PCDHGB1: variants seen among roughly 807,000 people sequenced by gnomAD.
PCDHGB1 encodes the protein protocadherin gamma subfamily B, 1.
Under a neutral mutation model 56.6 loss-of-function variants are expected in PCDHGB1, and 34 were observed. The observed-to-expected ratio is 0.60, with a 90% confidence interval of 0.46 to 0.80. PCDHGB1 has a LOEUF of 0.80. Ranked by LOEUF, PCDHGB1 falls within the 30% of genes least tolerant of loss-of-function variation. PCDHGB1 has a pLI of 0.00. For synonymous variants in PCDHGB1, 561 were observed against 505.9 expected, an observed-to-expected ratio of 1.11 and a Z score of -1.46; for missense variants, 1,278 against 1,204.6, an observed-to-expected ratio of 1.06 and a Z score of -0.90.
chr5:141,476,747 C>A lies in PCDHGB1; in HGVS notation c.2410-18060C>A. 1 of 1,614,066 alleles carries A rather than the reference C, an allele frequency of 6.2e-7. No homozygotes were observed. The highest frequency in any genetic ancestry group is 1.3e-5 in the African/African-American group (1 of 75,074). On this transcript the variant is annotated intron_variant, in intron 1 of 3. Transcript: ENST00000523390. The surrounding 1 kb of genome is among the most constrained non-coding windows in gnomAD (Gnocchi z 7.6). ...GGACCGAGAACGGGAGCCTAGTCTCCAGTTAGTGCTGACGGCGTTGGACGG... is the reference window on the plus strand; with the variant it reads ...GGACCGAGAACGGGAGCCTAGTCTCAAGTTAGTGCTGACGGCGTTGGACGG...
intron 1 of PCDHGB1, chr5:141,364,402 C>A: frequency 6.2e-7 from 1 of 1,607,318 alleles, no homozygotes; most frequent in Non-Finnish European, 8.5e-7. Flanking sequence ...GGACGCTGTG[C>A]GAGCCAGGAT....
At chr5:141,410,084 A>G in intron 1 of PCDHGB1, 3 of 1,612,532 alleles carry the variant, frequency 1.9e-6, no homozygotes, top group Non-Finnish European at 2.5e-6. Context: ...GGAGGTGCGC[A>G]CGGCTCGAGC....
chr5:141,351,753 T>C lies in PCDHGB1; in HGVS notation c.1493T>C (p.Leu498Ser), dbSNP rs1489735945. The C allele has an allele frequency of 6.2e-7, 1 of 1,613,482 alleles. No homozygotes were observed. ...AGTGACCTGGAGCCGCGGGAGCTGTTGTCCTACGTGTCCGTGAGCCCGCAG... is the reference window on the plus strand; with the variant it reads ...AGTGACCTGGAGCCGCGGGAGCTGTCGTCCTACGTGTCCGTGAGCCCGCAG... ...LASDLEPREL[L>S]SYVSVSPQSG... Residue 498 changes from leucine to serine, a missense_variant, in exon 1 of 4, where the codon TTG becomes TCG. Coordinates refer to ENST00000523390, the MANE Select transcript of PCDHGB1 (RefSeq NM_018922.3).
At position 141,352,309 on chromosome 5, in the gene PCDHGB1, A is replaced by G. The variant is rs1363928868; in HGVS notation, c.2049A>G (p.Glu683=). The change falls in exon 1 of 4, where the codon GAA becomes GAG. Residue 683 remains glutamate (E), a synonymous_variant. Transcript: ENST00000523390. Reference sequence around the variant, plus strand: ...CTGAGCCCTCTGACCCCCAGACGGAACTGCAGTTTTACCTGGTTGTGGCCT... The same window carrying G: ...CTGAGCCCTCTGACCCCCAGACGGAGCTGCAGTTTTACCTGGTTGTGGCCT... ...DRPEPSDPQT[E]LQFYLVVALA... 6.2e-7 allele frequency: 1 copy of G among 1,613,958 alleles called. No individual in the cohort carries two copies. Among genetic ancestry groups the G allele is most frequent in the East Asian group, 2.2e-5 (1 of 44,864 alleles).
chr5:141,474,260 A>G (rs1459875243), intron 1 of PCDHGB1, among the ~76,000 whole-genome samples: 1 of 152,170 alleles, frequency 6.6e-6, no homozygotes, highest in Non-Finnish European at 1.5e-5. Flanking sequence ...AGACTGATAA[A>G]CCAGTGTATC....
At chr5:141,414,481 C>T (rs1011579090) in intron 1 of PCDHGB1, 2 of 1,613,948 alleles carry the variant, frequency 1.2e-6, no homozygotes, top group Non-Finnish European at 1.7e-6. Context: ...AAGTCCTCCT[C>T]TATCAACGGA....
At chr5:141,456,873 G>A (rs2098894054) in intron 1 of PCDHGB1, among the ~76,000 whole-genome samples, 1 of 152,152 alleles carries the variant, frequency 6.6e-6, no homozygotes, top group Non-Finnish European at 1.5e-5. Context: ...TGAGGCAGGA[G>A]AATCGCTTGA....
chr5:141,384,601 C>G lies in PCDHGB1; in HGVS notation c.2409+31932C>G, dbSNP rs1780261198. On this transcript the variant is annotated intron_variant, in intron 1 of 3. Coordinates refer to ENST00000523390, the MANE Select transcript of PCDHGB1 (RefSeq NM_018922.3). The stretch of plus-strand genomic sequence containing the variant: ...GCCCGAGATCCTGTACCCGGCCCTC[C>G]CCACAGATGGTTCTACTGGCATGGA... The G allele has an allele frequency of 2.5e-6, 4 of 1,614,240 alleles. No homozygotes were observed. The East Asian group carries it at 8.9e-5, about 36-fold the overall frequency.
At position 141,490,006 on chromosome 5, in the gene PCDHGB1, C is replaced by T; in HGVS notation, c.2410-4801C>T. The stretch of plus-strand genomic sequence containing the variant: ...ACGTGTGGGAATCCCAGAGAATGCA[C>T]CCATTGGTACTCTGCTGCTCCGCCT... On this transcript the variant is annotated intron_variant, in intron 1 of 3. Coordinates refer to ENST00000523390, the MANE Select transcript of PCDHGB1 (RefSeq NM_018922.3). This position sits in a 1 kb window ranked among gnomAD's most constrained non-coding sequence, Gnocchi z 5.4. 2 of 1,614,222 alleles carry T rather than the reference C, an allele frequency of 1.2e-6. No homozygotes were observed. The highest frequency in any genetic ancestry group is 1.7e-6 in the Non-Finnish European group (2 of 1,180,010).
At chr5:141,422,463 C>T in intron 1 of PCDHGB1, 1 of 1,613,472 alleles carries the variant, frequency 6.2e-7, no homozygotes, top group African/African-American at 1.3e-5. Context: ...GAGTGCTGGA[C>T]AGGGAGTTGG....
intron 1 of PCDHGB1, chr5:141,478,523 G>A: frequency 1.2e-6 from 2 of 1,609,908 alleles, no homozygotes; most frequent in Non-Finnish European, 1.7e-6. Flanking sequence ...GGTGTTGGGT[G>A]CAGAGAGCGC....
At chr5:141,407,875 A>G (rs957717882) in intron 1 of PCDHGB1, 8 of 361,396 alleles carry the variant, frequency 2.2e-5, no homozygotes, top group African/African-American at 8.4e-5. Context: ...AAGAATATAT[A>G]CATTTCGGAG....
At chr5:141,377,447 A>AG (rs1773997095) in intron 1 of PCDHGB1, 1 of 152,082 alleles carries the variant, frequency 6.6e-6, no homozygotes, top group African/African-American at 2.4e-5. Context: ...AAGAAAAAAA[A>AG]GTAGCCAGAT....
chr5:141,372,804 CA>C lies in PCDHGB1; in HGVS notation c.2409+20139del. The C allele has an allele frequency of 2.5e-6, 4 of 1,592,244 alleles. No homozygotes were observed. In the Middle Eastern group the frequency reaches 6.7e-4, roughly 266 times the overall value. On this transcript the variant is annotated intron_variant, in intron 1 of 3. Coordinates refer to ENST00000523390, the MANE Select transcript of PCDHGB1 (RefSeq NM_018922.3). ...AATGCCTTCTAATTCAGGCAATTTG[CA>C]AAAGGTGAGTTTCTTCAAACCTTTC...
rs146243220 is a variant in PCDHGB1 at position 141,351,894 on chromosome 5, G to C, written c.1634G>C (p.Arg545Pro). 8.0e-4 allele frequency: 1,286 copies of C among 1,613,426 alleles called. 8 individuals are homozygous for C. In the South Asian group the frequency reaches 8.1e-3, roughly 10 times the overall value. ...SPALSANVSL[R>P]VLVGDLNDNA... ...GCGCTCAGCGCCAACGTGAGCCTGCGCGTGTTGGTGGGCGACCTCAATGAC... is the reference window on the plus strand; with the variant it reads ...GCGCTCAGCGCCAACGTGAGCCTGCCCGTGTTGGTGGGCGACCTCAATGAC... The change falls in exon 1 of 4, where the codon CGC (arginine) becomes CCC (proline). Residue 545 changes from arginine (R) to proline (P), a missense_variant. Transcript: ENST00000523390.
At chr5:141,367,861 G>A (rs1344780297) in intron 1 of PCDHGB1, 1 of 152,032 alleles carries the variant, frequency 6.6e-6, no homozygotes, top group Non-Finnish European at 1.5e-5. Context: ...GTTTCTTTAA[G>A]TGTAGGTGCA....
rs1057107770 is a variant in PCDHGB1 at position 141,387,795 on chromosome 5, T to C, written c.2409+35126T>C. 28 of 1,499,168 alleles carry C rather than the reference T, an allele frequency of 1.9e-5. No homozygotes were observed. In the African/African-American group the frequency reaches 2.5e-4, roughly 13 times the overall value. The allele number at this position is 1,499,168 out of a possible 1,614,324, so 92.9% of individuals were successfully genotyped here. A position where few individuals can be genotyped will look rare whatever the true frequency, so the allele number is the denominator to read the frequency against. On this transcript the variant is annotated intron_variant, in intron 1 of 3. Transcript: ENST00000523390. ...TCTTGAACTGGAACTGCAACTAAAG[T>C]CCGTTCGGAGATCCAAAAATCTGCA... is the stretch of plus-strand genomic sequence containing the variant.
In PCDHGB1 at chr5:141,477,533, G is replaced by C. The variant is rs780541121; in HGVS notation, c.2410-17274G>C. On this transcript the variant is annotated intron_variant, in intron 1 of 3. Transcript: ENST00000523390. This position sits in a 1 kb window ranked among gnomAD's most constrained non-coding sequence, Gnocchi z 4.9. ...TTACATTGAAGAAAACAACCTCCCC[G>C]GGGCTCCAATACTAAACCTAAGTGT... The C allele has an allele frequency of 6.2e-7, 1 of 1,613,892 alleles. No individual in the cohort carries two copies. The highest frequency in any genetic ancestry group is 1.3e-5 in the African/African-American group (1 of 74,852).
At chr5:141,483,207 A>G (rs1225621725) in intron 1 of PCDHGB1, among the ~76,000 whole-genome samples, 1 of 152,224 alleles carries the variant, frequency 6.6e-6, no homozygotes, top group African/African-American at 2.4e-5. Context: ...TATTCCATAT[A>G]GATGACAGTC....
Sources: gnomAD v4.1 joint callset for allele counts (sites outside exome capture counted in the v4.1 genomes callset) on GRCh38, gnomAD v4.1.1 for gene constraint, Gnocchi (gnomAD v3.1) non-coding constraint, MANE v1.5 for transcripts, NCBI Gene and HGNC (gene_info 2026-07-23, HGNC 2026-07-21) for gene names.